The following SPAG16 variants were observed in gnomAD, a reference collection of about 807,000 sequenced individuals.
SPAG16 encodes the protein sperm associated antigen 16.
Under a neutral mutation model 80.4 loss-of-function variants are expected in SPAG16, and 86 were observed. The observed-to-expected ratio is 1.07, with a 90% CI of 0.90 to 1.28. The LOEUF (loss-of-function observed/expected upper bound fraction) is 1.28. Among genes scored for constraint, SPAG16 ranks in the 50% most tolerant of loss-of-function variants. The pLI, the probability that SPAG16 is intolerant of heterozygous loss-of-function variation, is 0.00. For synonymous variants in SPAG16, 294 were observed against 265.9 expected, an observed-to-expected ratio of 1.11 and a Z score of -1.03; for missense variants, 870 against 765.3, an observed-to-expected ratio of 1.14 and a Z score of -1.61.
chr2:214,189,092 T>C (rs2057573633), intron 15 of SPAG16, among the ~76,000 whole-genome samples: 1 of 152,184 alleles, frequency 6.6e-6, no homozygotes, highest in Admixed American at 6.6e-5. Flanking sequence ...ATAAGTATGT[T>C]GTATTGCATA....
chr2:213,587,181 A>G (rs530680977), intron 10 of SPAG16, among the ~76,000 whole-genome samples: 68 of 152,154 alleles, frequency 4.5e-4, no homozygotes, highest in Non-Finnish European at 7.8e-4. Flanking sequence ...CAATGAGGCA[A>G]TTTTCTTTCT....
At chr2:213,955,279 A>T (rs1239479797) in intron 12 of SPAG16, among the ~76,000 whole-genome samples, 1 of 152,014 alleles carries the variant, frequency 6.6e-6, no homozygotes, top group Non-Finnish European at 1.5e-5. Flanking sequence ...TATTTTTCTT[A>T]TGTTTTCTTC....
chr2:213,305,590 C>CT (rs975173390), intron 3 of SPAG16, among the ~76,000 whole-genome samples: 5 of 152,094 alleles, frequency 3.3e-5, no homozygotes, highest in African/African-American at 1.2e-4. Context: ...TTATCAAATG[C>CT]TTTTTTCAGC....
At chr2:213,472,715 AATTCAGACCTGAGCTAAAACTCC>A (rs928333034) in intron 9 of SPAG16, among the ~76,000 whole-genome samples, 3 of 152,052 alleles carry the variant, frequency 2.0e-5, no homozygotes, top group Admixed American at 2.0e-4. Flanking sequence ...GATGCACCAC[AATTCAGACCTGAGCTAAAACTCC>A]ATTAGTTACC....
intron 15 of SPAG16, among the ~76,000 whole-genome samples, chr2:214,333,025 A>ATTTC (rs2126015314): frequency 6.6e-6 from 1 of 152,332 alleles, no homozygotes; most frequent in East Asian, 1.9e-4. Context: ...TGGTTTAAAT[A>ATTTC]TTTCTTTTTT....
intron 10 of SPAG16, among the ~76,000 whole-genome samples, chr2:213,847,982 C>A (rs1447493127): frequency 6.6e-6 from 1 of 152,114 alleles, no homozygotes; most frequent in Non-Finnish European, 1.5e-5. Context: ...ACATTCAGCA[C>A]TGAAATAAGG....
intron 10 of SPAG16, among the ~76,000 whole-genome samples, chr2:213,813,547 G>T (rs2072313102): frequency 6.6e-6 from 1 of 152,142 alleles, no homozygotes; most frequent in South Asian, 2.1e-4. Context: ...AGGAGGACAG[G>T]AAGCACTCCT....
chr2:213,683,541 A>T, intron 10 of SPAG16, among the ~76,000 whole-genome samples: 1 of 151,020 alleles, frequency 6.6e-6, no homozygotes. Flanking sequence ...ATAGAGTGAG[A>T]CTCCATCTCC....
chr2:214,016,530 A>G (rs2047601058), intron 13 of SPAG16, among the ~76,000 whole-genome samples: 1 of 152,184 alleles, frequency 6.6e-6, no homozygotes, highest in Non-Finnish European at 1.5e-5. Flanking sequence ...ACATGTAGGG[A>G]CTACACTTTC....
chr2:213,317,889 G>A (rs983384766), intron 5 of SPAG16: 4 of 206,558 alleles, frequency 1.9e-5, no homozygotes, highest in African/African-American at 7.1e-5. Flanking sequence ...GTGGGAGTAG[G>A]AGGTGTATGG....
chr2:213,868,170 ACT>A (rs1182309413), intron 11 of SPAG16, among the ~76,000 whole-genome samples: 2 of 152,134 alleles, frequency 1.3e-5, no homozygotes, highest in East Asian at 3.9e-4. Flanking sequence ...ATGTTATCTA[ACT>A]CTTCTCAGCT....
chr2:213,965,847 C>A (rs1237071804), intron 12 of SPAG16, among the ~76,000 whole-genome samples: 1 of 152,200 alleles, frequency 6.6e-6, no homozygotes, highest in Non-Finnish European at 1.5e-5. Context: ...AGAACAGCTT[C>A]CACTTATCTT....
chr2:213,693,032 T>G (rs2065011265), intron 10 of SPAG16, among the ~76,000 whole-genome samples: 2 of 152,224 alleles, frequency 1.3e-5, no homozygotes, highest in African/African-American at 2.4e-5. Flanking sequence ...AAAAGAATCA[T>G]CAATGTTTGA....
At chr2:213,717,733 C>T (rs1232024367) in intron 10 of SPAG16, among the ~76,000 whole-genome samples, 1 of 152,068 alleles carries the variant, frequency 6.6e-6, no homozygotes, top group Non-Finnish European at 1.5e-5. Flanking sequence ...GTAGTATTAT[C>T]CCTAAAATAT....
chr2:213,637,883 A>C (rs1313064716), intron 10 of SPAG16, among the ~76,000 whole-genome samples: 4 of 152,070 alleles, frequency 2.6e-5, no homozygotes, highest in Admixed American at 2.6e-4. Context: ...CAGCCTCCTG[A>C]GTAGCTGGGA....
At chr2:213,324,556 CA>C (rs1424869570) in intron 5 of SPAG16, among the ~76,000 whole-genome samples, 2 of 152,088 alleles carry the variant, frequency 1.3e-5, no homozygotes, top group African/African-American at 4.8e-5. Context: ...AAAGTCTGTA[CA>C]ATGTATTATT....
chr2:213,910,805 A>G (rs1411390534), intron 11 of SPAG16, among the ~76,000 whole-genome samples: 1 of 152,154 alleles, frequency 6.6e-6, no homozygotes, highest in Non-Finnish European at 1.5e-5. Context: ...CTTTTACTAG[A>G]TCTACAAAAC....
intron 10 of SPAG16, among the ~76,000 whole-genome samples, chr2:213,794,566 C>A (rs1341794837): frequency 1.3e-5 from 2 of 152,042 alleles, no homozygotes; most frequent in African/African-American, 4.8e-5. Flanking sequence ...AAATACTTAT[C>A]TCCAAAGGCA....
At chr2:213,318,822 CA>C (rs1451988298) in intron 5 of SPAG16, among the ~76,000 whole-genome samples, 1 of 151,590 alleles carries the variant, frequency 6.6e-6, no homozygotes. Flanking sequence ...CTTTTTCATT[CA>C]AGAGTACATT....
Sources: gnomAD v4.1 joint callset for allele counts (sites outside exome capture counted in the v4.1 genomes callset) on GRCh38, gnomAD v4.1.1 for gene constraint, MANE v1.5 for transcripts, NCBI Gene and HGNC (gene_info 2026-07-23, HGNC 2026-07-21) for gene names.